Variants in JAKMIP3 observed in about 807,000 individuals in gnomAD.
JAKMIP3 encodes janus kinase and microtubule-interacting protein 3.
Under a neutral mutation model 118.5 loss-of-function variants are expected in JAKMIP3, and 58 were observed. The observed-to-expected ratio is 0.49, with a 90% CI of 0.40 to 0.61. JAKMIP3 has a LOEUF of 0.61. JAKMIP3 is among the 20% of genes least tolerant of loss of function. The pLI is 0.00. For missense variants in JAKMIP3, 950 were observed against 1,109.0 expected, an observed-to-expected ratio of 0.86 and a Z score of 2.04; for synonymous variants, 486 against 451.2, an observed-to-expected ratio of 1.08 and a Z score of -0.98.
At chr10:132,121,006 G>A (rs2048457315) in intron 3 of JAKMIP3, among the ~76,000 whole-genome samples, 1 of 152,228 alleles carries the variant, frequency 6.6e-6, no homozygotes, top group South Asian at 2.1e-4. Context: ...GGATGGGGAA[G>A]TCTGGGATGG....
chr10:132,159,599 TC>T (rs2057674773), intron 19 of JAKMIP3, among the ~76,000 whole-genome samples: 1 of 89,002 alleles, frequency 1.1e-5, no homozygotes, highest in Non-Finnish European at 2.4e-5. Flanking sequence ...TGGGGGCATG[TC>T]TTCCTATGTG....
intron 1 of JAKMIP3, among the ~76,000 whole-genome samples, chr10:132,094,291 C>T (rs1345935012): frequency 2.0e-5 from 3 of 151,948 alleles, no homozygotes; most frequent in Non-Finnish European, 4.4e-5. Flanking sequence ...TTGGATCCAT[C>T]GTTGGTGAGC....
At chr10:132,067,494 A>G (rs985187727) in intron 1 of JAKMIP3, among the ~76,000 whole-genome samples, 6 of 152,242 alleles carry the variant, frequency 3.9e-5, no homozygotes, top group African/African-American at 1.2e-4. Context: ...GGGAGCTGTC[A>G]GTCAGAGCTG....
chr10:132,088,728 A>C (rs1187798396), intron 1 of JAKMIP3, among the ~76,000 whole-genome samples: 3 of 151,946 alleles, frequency 2.0e-5, no homozygotes, highest in African/African-American at 7.3e-5. Flanking sequence ...CCCATTTGTC[A>C]ATTTTGGCTT....
At chr10:132,114,828 C>T (rs986981524) in intron 2 of JAKMIP3, among the ~76,000 whole-genome samples, 14 of 152,192 alleles carry the variant, frequency 9.2e-5, no homozygotes, top group East Asian at 1.9e-4. Context: ...TTTTCTAACA[C>T]GTCATCAAAA....
At chr10:132,056,533 G>C (rs1376150609) in intron 1 of JAKMIP3, among the ~76,000 whole-genome samples, 1 of 152,176 alleles carries the variant, frequency 6.6e-6, no homozygotes, top group African/African-American at 2.4e-5. Context: ...TAGAGTTCCT[G>C]CACCTGGTGT....
intron 1 of JAKMIP3, among the ~76,000 whole-genome samples, chr10:132,041,065 T>C (rs1470724646): frequency 6.6e-6 from 1 of 152,188 alleles, no homozygotes; most frequent in Admixed American, 6.5e-5. Flanking sequence ...ACATTTTCTT[T>C]CTTTTTGAGA....
chr10:132,038,178 G>A (rs2037578830), intron 1 of JAKMIP3, among the ~76,000 whole-genome samples: 1 of 152,178 alleles, frequency 6.6e-6, no homozygotes, highest in South Asian at 2.1e-4. Flanking sequence ...GGCTTTTATT[G>A]TCAATTTCCA....
At chr10:132,123,950 G>A (rs967749231) in intron 3 of JAKMIP3, among the ~76,000 whole-genome samples, 7 of 152,210 alleles carry the variant, frequency 4.6e-5, no homozygotes, top group Non-Finnish European at 8.8e-5. Flanking sequence ...TGCTGGGGAC[G>A]AGTTTGGGAA....
At chr10:132,082,171 G>C (rs76576938) in intron 1 of JAKMIP3, among the ~76,000 whole-genome samples, 2 of 9,428 alleles carry the variant, frequency 2.1e-4, no homozygotes, top group Non-Finnish European at 2.9e-4. Context: ...TGTTTGTTTG[G>C]GGGGGGGGGC....
At chr10:132,151,188 A>C (rs2056127185) in intron 16 of JAKMIP3, among the ~76,000 whole-genome samples, 1 of 151,618 alleles carries the variant, frequency 6.6e-6, no homozygotes, top group South Asian at 2.1e-4. Flanking sequence ...ACCCTCCATA[A>C]TTTATCTATG....
chr10:132,159,551 T>A (rs1589985592), intron 19 of JAKMIP3, among the ~76,000 whole-genome samples: 1 of 124,744 alleles, frequency 8.0e-6, no homozygotes, highest in Non-Finnish European at 1.7e-5. Flanking sequence ...GGTCTCTCCC[T>A]GTGTGATGCT....
At chr10:132,107,432 C>T (rs9419203) in intron 2 of JAKMIP3, among the ~76,000 whole-genome samples, 28,392 of 152,146 alleles carry the variant, frequency 0.19, 2,739 homozygotes, top group East Asian at 0.29. Flanking sequence ...AACCCAGACC[C>T]GCTGGGCACC....
At chr10:132,182,066 G>A (rs1256864724) in intron 23 of JAKMIP3, among the ~76,000 whole-genome samples, 1 of 152,298 alleles carries the variant, frequency 6.6e-6, no homozygotes, top group Non-Finnish European at 1.5e-5. Context: ...GACATGGTGA[G>A]AAAGATCCAA....
chr10:132,078,041 G>A (rs969474055), intron 1 of JAKMIP3, among the ~76,000 whole-genome samples: 8 of 152,158 alleles, frequency 5.3e-5, no homozygotes, highest in African/African-American at 1.9e-4. Context: ...CGAACTCCTG[G>A]GCTCAGGTGA....
chr10:132,159,920 TGGG>T (rs558517110), intron 19 of JAKMIP3, among the ~76,000 whole-genome samples: 1 of 14,878 alleles, frequency 6.7e-5, no homozygotes. Flanking sequence ...TGTGTGATGC[TGGG>T]GGGGGGTCTC....
intron 3 of JAKMIP3, among the ~76,000 whole-genome samples, chr10:132,124,819 A>G (rs547079739): frequency 6.6e-6 from 1 of 152,216 alleles, no homozygotes; most frequent in Non-Finnish European, 1.5e-5. Context: ...AAGACAGAAG[A>G]GCCATTCGGC....
At chr10:132,170,648 G>T (rs902401462) in intron 23 of JAKMIP3, among the ~76,000 whole-genome samples, 3 of 152,186 alleles carry the variant, frequency 2.0e-5, no homozygotes, top group African/African-American at 7.2e-5. Context: ...TGCTCCCAGC[G>T]TGTGTCCATG....
intron 1 of JAKMIP3, among the ~76,000 whole-genome samples, chr10:132,090,171 T>G (rs574158819): frequency 3.3e-5 from 5 of 152,196 alleles, no homozygotes; most frequent in Non-Finnish European, 7.3e-5. Flanking sequence ...TAAAATTCTC[T>G]TTTTTGGTTG....
Sources: gnomAD v4.1 joint callset for allele counts (sites outside exome capture counted in the v4.1 genomes callset) on GRCh38, gnomAD v4.1.1 for gene constraint, MANE v1.5 for transcripts, NCBI Gene and HGNC (gene_info 2026-07-23, HGNC 2026-07-21) for gene names.